WDR7: variants seen among roughly 807,000 people sequenced by gnomAD.
The protein encoded by WDR7 is WD repeat domain 7, also known as WD repeat-containing protein 7.
A neutral mutation model predicts 169.4 loss-of-function variants in WDR7; 46 were observed. The ratio of observed to expected loss-of-function variants is 0.27; its 90% confidence interval spans 0.21 to 0.35. WDR7 has a LOEUF of 0.35. WDR7 is among the 10% of genes least tolerant of loss of function. WDR7 has a pLI of 1.00. For missense variants in WDR7, 1,534 were observed against 1,859.3 expected, an observed-to-expected ratio of 0.83 and a Z score of 3.22; for synonymous variants, 612 against 666.8, an observed-to-expected ratio of 0.92 and a Z score of 1.27.
intron 26 of WDR7, among the ~76,000 whole-genome samples, chr18:57,000,985 C>T (rs1453596875): frequency 6.8e-6 from 1 of 146,186 alleles, no homozygotes; most frequent in African/African-American, 2.5e-5. Flanking sequence ...ATCAGTTGGG[C>T]CCAGGAGTTG....
At chr18:56,997,811 T>C (rs1295560915) in intron 26 of WDR7, among the ~76,000 whole-genome samples, 2 of 152,230 alleles carry the variant, frequency 1.3e-5, no homozygotes, top group African/African-American at 2.4e-5. Context: ...AAAATGTATA[T>C]AGCAAGAGCT....
intron 26 of WDR7, among the ~76,000 whole-genome samples, chr18:56,974,708 A>T (rs2047541006): frequency 6.6e-6 from 1 of 152,086 alleles, no homozygotes; most frequent in South Asian, 2.1e-4. Context: ...CAATTAAGAG[A>T]GATTGTGTTA....
intron 26 of WDR7, among the ~76,000 whole-genome samples, chr18:56,963,807 CT>C (rs2047368143): frequency 6.6e-6 from 1 of 151,772 alleles, no homozygotes; most frequent in Non-Finnish European, 1.5e-5. Context: ...TTATAAGATC[CT>C]TTCATAAGAG....
At chr18:56,876,381 A>G (rs2046021962) in intron 20 of WDR7, among the ~76,000 whole-genome samples, 1 of 152,174 alleles carries the variant, frequency 6.6e-6, no homozygotes, top group Non-Finnish European at 1.5e-5. Context: ...CTTCTGTGCC[A>G]AATACATTGC....
intron 12 of WDR7, among the ~76,000 whole-genome samples, chr18:56,716,072 C>G (rs1318703710): frequency 2.9e-5 from 4 of 138,800 alleles, no homozygotes; most frequent in Non-Finnish European, 6.4e-5. Context: ...TGTGTATTTA[C>G]CCAGTTTTGT....
rs994870876 is a variant in WDR7 at position 56,938,394 on chromosome 18, G to A, written c.3832-139G>A. 2.3e-5 allele frequency: 25 copies of A among 1,107,112 alleles called. No homozygotes were observed. The Middle Eastern group carries it at 1.7e-3, about 75-fold the overall frequency. 68.6% of individuals were successfully genotyped at this position (1,107,112 alleles called of 1,614,324 possible). ...TTTTATTATACTAAGTATTGTTTTT[G>A]TAAACAAAAGTATTTTCTGACTCAC... On this transcript the variant is annotated intron_variant, in intron 23 of 27. Transcript: ENST00000254442.
chr18:56,957,904 C>T (rs921295523), intron 25 of WDR7, among the ~76,000 whole-genome samples: 9 of 152,230 alleles, frequency 5.9e-5, no homozygotes, highest in Middle Eastern at 6.8e-3. Context: ...AATTGCTGAA[C>T]TCATAGTTAA....
intron 1 of WDR7, among the ~76,000 whole-genome samples, chr18:56,667,996 A>G (rs1291896163): frequency 6.6e-6 from 1 of 152,164 alleles, no homozygotes; most frequent in East Asian, 1.9e-4. Context: ...ATAAGTAATA[A>G]GAGATTGTGA....
chr18:56,916,652 A>G (rs887228303), intron 21 of WDR7, among the ~76,000 whole-genome samples: 1 of 152,244 alleles, frequency 6.6e-6, no homozygotes, highest in Non-Finnish European at 1.5e-5. Context: ...AAAAAACTGC[A>G]TGATTAATAT....
intron 25 of WDR7, among the ~76,000 whole-genome samples, chr18:56,950,508 G>T (rs975839130): frequency 6.6e-6 from 1 of 152,078 alleles, no homozygotes; most frequent in African/African-American, 2.4e-5. Context: ...CAAAGGAAAG[G>T]CATCTGCAAA....
At chr18:56,837,026 T>C (rs894587764) in intron 20 of WDR7, among the ~76,000 whole-genome samples, 1 of 152,184 alleles carries the variant, frequency 6.6e-6, no homozygotes, top group African/African-American at 2.4e-5. Flanking sequence ...CTTTGTCAAG[T>C]TTATGAGCTG....
intron 7 of WDR7, among the ~76,000 whole-genome samples, chr18:56,689,408 G>C (rs2025516898): frequency 6.6e-6 from 1 of 152,104 alleles, no homozygotes; most frequent in African/African-American, 2.4e-5. Context: ...TCACAGGCAT[G>C]GACCACCACG....
At chr18:56,717,010 C>T (rs887302080) in intron 12 of WDR7, among the ~76,000 whole-genome samples, 6 of 152,128 alleles carry the variant, frequency 3.9e-5, no homozygotes, top group African/African-American at 1.2e-4. Flanking sequence ...TGAGGTTTGA[C>T]GTGTTTTTTC....
At position 56,895,274 on chromosome 18, in the gene WDR7, A is replaced by T. The variant is rs561749757; in HGVS notation, c.3526+15109A>T. Among the ~76,000 whole-genome samples, 7 of 152,104 alleles carry T rather than the reference A, an allele frequency of 4.6e-5. No individual in the cohort carries two copies. In the East Asian group the frequency reaches 1.4e-3, roughly 29 times the overall value. The stretch of plus-strand genomic sequence containing the variant: ...TGTCTACTAGTGAACAAAGTAGAAA[A>T]TGTAAAAAATCATCATTTTTTGAAA... On this transcript the variant is annotated intron_variant, in intron 21 of 27. Coordinates refer to ENST00000254442, the MANE Select transcript of WDR7 (RefSeq NM_015285.3).
intron 26 of WDR7, among the ~76,000 whole-genome samples, chr18:56,977,957 C>G (rs1360878469): frequency 6.6e-6 from 1 of 152,160 alleles, no homozygotes; most frequent in Non-Finnish European, 1.5e-5. Context: ...AGTTGTAAAT[C>G]TACAAGGACA....
intron 4 of WDR7, 66 bp downstream of exon 4, chr18:56,681,457 AAAC>A: frequency 2.9e-6 from 3 of 1,049,364 alleles, no homozygotes; most frequent in Non-Finnish European, 4.0e-6. Context: ...AATATTTTTA[AAAC>A]ATTGAGCCTA....
intron 23 of WDR7, among the ~76,000 whole-genome samples, chr18:56,937,052 C>T (rs2046970107): frequency 6.6e-6 from 1 of 152,048 alleles, no homozygotes; most frequent in African/African-American, 2.4e-5. Flanking sequence ...AGTGAATAAG[C>T]CTCACATTAG....
intron 21 of WDR7, among the ~76,000 whole-genome samples, chr18:56,888,220 T>C (rs2046222442): frequency 6.6e-6 from 1 of 152,210 alleles, no homozygotes; most frequent in African/African-American, 2.4e-5. Context: ...TTGTAACGTA[T>C]CTTATACTTT....
At chr18:56,866,756 C>T (rs2045888150) in intron 20 of WDR7, among the ~76,000 whole-genome samples, 2 of 152,092 alleles carry the variant, frequency 1.3e-5, no homozygotes, top group Non-Finnish European at 2.9e-5. Flanking sequence ...TAGGAGTTTT[C>T]AGTAAAGTTT....
Sources: gnomAD v4.1 joint callset for allele counts (sites outside exome capture counted in the v4.1 genomes callset) on GRCh38, gnomAD v4.1.1 for gene constraint, MANE v1.5 for transcripts, NCBI Gene and HGNC (gene_info 2026-07-23, HGNC 2026-07-21) for gene names.